The following GAS7 variants were observed in gnomAD, a reference collection of about 807,000 sequenced individuals.
The protein encoded by GAS7 is growth arrest-specific protein 7.
GAS7 carries 28 observed loss-of-function variants against 71.1 expected under a neutral mutation model. That is an observed-to-expected ratio of 0.39 (90% confidence interval 0.29 to 0.54). The LOEUF is 0.54. GAS7 is among the 20% of genes least tolerant of loss of function. The probability of loss-of-function intolerance (pLI) is 0.62; values close to 1 mark genes in which losing one functional copy is unlikely to be tolerated. For synonymous variants in GAS7, 258 were observed against 245.8 expected (o/e 1.05, Z -0.46); for missense variants, 436 against 627.8 (o/e 0.69, Z 3.27).
intron 1 of GAS7, among the ~76,000 whole-genome samples, chr17:10,104,879 T>C (rs1183192116): frequency 6.6e-6 from 1 of 152,212 alleles, no homozygotes; most frequent in Non-Finnish European, 1.5e-5. Context: ...CATTCTCACA[T>C]TGCAGCCAGA....
At position 10,026,968 on chromosome 17, in the gene GAS7, G is replaced by C. The variant is rs1277140277; in HGVS notation, c.184-7071C>G. Reference sequence around the variant, plus strand: ...CAGAAATTTCAGTGCACAGAAAATAGTAGGGGACCCCTGGCAACGTCACAA... The same window carrying C: ...CAGAAATTTCAGTGCACAGAAAATACTAGGGGACCCCTGGCAACGTCACAA... On this transcript the variant is annotated intron_variant, in intron 1 of 13. Transcript: ENST00000432992. This position sits in a 1 kb window ranked among gnomAD's most constrained non-coding sequence, Gnocchi z 4.5. The C allele has an allele frequency of 6.6e-6, 1 of 152,208 alleles. No individual in the cohort carries two copies. The highest frequency in any genetic ancestry group is 1.9e-4 in the East Asian group (1 of 5,200). 9.4% of individuals were successfully genotyped at this position (152,208 alleles called of 1,614,324 possible).
chr17:10,114,507 G>C (rs1172663313), intron 1 of GAS7: 1 of 152,046 alleles, frequency 6.6e-6, no homozygotes, highest in African/African-American at 2.4e-5. Context: ...GGTATACACA[G>C]CCACCGAGTG....
intron 1 of GAS7, among the ~76,000 whole-genome samples, chr17:10,153,298 AAGACCAGCCTGGCCAAG>A (rs1326411077): frequency 4.6e-5 from 7 of 151,950 alleles, no homozygotes; most frequent in Admixed American, 6.6e-5. Context: ...TCAGGAATTC[AAGACCAGCCTGGCCAAG>A]AGACCAGCCT....
At chr17:9,978,551 G>A (rs185426027) in intron 3 of GAS7, among the ~76,000 whole-genome samples, 8 of 151,952 alleles carry the variant, frequency 5.3e-5, no homozygotes, top group East Asian at 1.9e-4. Context: ...GGTGGCACAC[G>A]CCTGTAGTTC....
At chr17:10,189,104 T>TG (rs1382212506) in intron 1 of GAS7, among the ~76,000 whole-genome samples, 1 of 152,170 alleles carries the variant, frequency 6.6e-6, no homozygotes, top group Non-Finnish European at 1.5e-5. Flanking sequence ...TCCTTTTTTT[T>TG]GGGAAGAGAT....
intron 8 of GAS7, among the ~76,000 whole-genome samples, chr17:9,934,897 G>T (rs745542355): frequency 6.6e-6 from 1 of 152,090 alleles, no homozygotes; most frequent in Non-Finnish European, 1.5e-5. Context: ...CACCACATCC[G>T]GCTAATTTTT....
intron 2 of GAS7, among the ~76,000 whole-genome samples, chr17:10,009,238 G>A (rs920515787): frequency 6.7e-6 from 1 of 148,924 alleles, no homozygotes; most frequent in Non-Finnish European, 1.5e-5. Flanking sequence ...GGAGAATGGC[G>A]TGAACCCGGG....
chr17:9,952,372 C>A (rs1298873211), intron 5 of GAS7, among the ~76,000 whole-genome samples: 1 of 151,982 alleles, frequency 6.6e-6, no homozygotes, highest in Admixed American at 6.6e-5. Context: ...GGCAAGTGGG[C>A]AAAGGACATG....
intron 2 of GAS7, among the ~76,000 whole-genome samples, chr17:10,012,391 G>T (rs1284546818): frequency 6.6e-6 from 1 of 152,060 alleles, no homozygotes; most frequent in Non-Finnish European, 1.5e-5. Flanking sequence ...GGGCTCAAGT[G>T]ATCCTTCCAC....
chr17:10,186,745 G>T lies in GAS7; in HGVS notation c.183+11463C>A, dbSNP rs559380247. The stretch of plus-strand genomic sequence containing the variant: ...TAATATGAAAATATTAGACTGGGTT[G>T]GGTACAGTGGCTCATGCCTATACTC... On this transcript the variant is annotated intron_variant, in intron 1 of 13. Coordinates refer to ENST00000432992, the MANE Select transcript of GAS7 (RefSeq NM_201433.2). 2.0e-5 allele frequency among the ~76,000 whole-genome samples: 3 copies of T among 152,274 alleles called. No homozygotes were observed. The South Asian group carries it at 6.2e-4, about 32-fold the overall frequency.
chr17:10,044,749 G>A (rs1223629878), intron 1 of GAS7, among the ~76,000 whole-genome samples: 1 of 152,082 alleles, frequency 6.6e-6, no homozygotes, highest in Non-Finnish European at 1.5e-5. Flanking sequence ...ATTGTCTGAG[G>A]GTCAACTGTA....
Position 9,940,212 on chromosome 17 carries a change from G to A in GAS7, c.732-12C>T, listed in dbSNP as rs752170297. The A allele has an allele frequency of 1.2e-6, 2 of 1,609,320 alleles. No individual in the cohort carries two copies. Among genetic ancestry groups the A allele is most frequent in the Admixed American group, 1.7e-5 (1 of 60,014 alleles). ...CTTCAATCTTTATCCTGCAAAGAGA[G>A]AAAACCCAACACACATCAGCTCTCC... On this transcript the variant is annotated splice_polypyrimidine_tract_variant and intron_variant, in intron 7 of 13. Transcript: ENST00000432992.
At chr17:9,920,717 G>A (rs547753775) in intron 11 of GAS7, among the ~76,000 whole-genome samples, 11 of 152,352 alleles carry the variant, frequency 7.2e-5, no homozygotes, top group East Asian at 1.9e-4. Flanking sequence ...TTGTCTCAGC[G>A]TAGCTTCCTC....
intron 1 of GAS7, among the ~76,000 whole-genome samples, chr17:10,175,068 A>T (rs1356682779): frequency 2.0e-5 from 3 of 152,034 alleles, no homozygotes; most frequent in Non-Finnish European, 4.4e-5. Context: ...CTGGTCTCGA[A>T]ATCCTGGGCT....
At chr17:10,193,406 G>C (rs780136657) in intron 1 of GAS7, among the ~76,000 whole-genome samples, 7 of 152,062 alleles carry the variant, frequency 4.6e-5, no homozygotes, top group Non-Finnish European at 8.8e-5. Flanking sequence ...TCCCATGTAT[G>C]TTCTCCCTAG....
intron 2 of GAS7, among the ~76,000 whole-genome samples, chr17:10,010,069 C>G (rs2071705501): frequency 6.6e-6 from 1 of 152,088 alleles, no homozygotes. Flanking sequence ...TTATAAATGA[C>G]CAGATAGCTT....
At chr17:9,954,041 G>A (rs1008347119) in intron 5 of GAS7, among the ~76,000 whole-genome samples, 4 of 152,222 alleles carry the variant, frequency 2.6e-5, no homozygotes, top group African/African-American at 7.2e-5. Context: ...GGGTCCAGGG[G>A]AGGAATCTTA....
intron 11 of GAS7, among the ~76,000 whole-genome samples, chr17:9,923,090 G>A (rs987989015): frequency 5.3e-5 from 8 of 152,154 alleles, no homozygotes; most frequent in African/African-American, 1.7e-4. Flanking sequence ...TGTATTTTTA[G>A]TAGAGACGAG....
rs2067495528 is a variant in GAS7 at position 9,913,491 on chromosome 17, C to A, written c.*3737G>T. ...CCAGATTTTTCTGCATCCATCCACTCATCTAGTAATTGATTGGTTTTCACA... is the reference window on the plus strand; with the variant it reads ...CCAGATTTTTCTGCATCCATCCACTAATCTAGTAATTGATTGGTTTTCACA... On this transcript the variant is annotated 3_prime_UTR_variant, in exon 14 of 14. Coordinates refer to ENST00000432992, the MANE Select transcript of GAS7 (RefSeq NM_201433.2). 1.7e-5 allele frequency: 4 copies of A among 232,590 alleles called. No homozygotes were observed. Among genetic ancestry groups the A allele is most frequent in the Non-Finnish European group, 1.7e-5 (2 of 117,344 alleles). 14.4% of individuals were successfully genotyped at this position (232,590 alleles called of 1,614,324 possible).
Sources: allele counts gnomAD v4.1 joint callset (sites outside exome capture counted in the v4.1 genomes callset), GRCh38; gene constraint gnomAD v4.1.1; non-coding constraint Gnocchi (gnomAD v3.1); transcripts MANE v1.5; gene names NCBI Gene and HGNC (gene_info 2026-07-23, HGNC 2026-07-21).